Variants in PPP1R14C observed in about 807,000 individuals in gnomAD.
PPP1R14C encodes the protein protein phosphatase 1 regulatory inhibitor subunit 14C.
In PPP1R14C, 16 loss-of-function variants were observed where a neutral mutation model predicts 20.4. The ratio of observed to expected loss-of-function variants is 0.78; its 90% confidence interval spans 0.53 to 1.19. The LOEUF (loss-of-function observed/expected upper bound fraction) is 1.19. Among genes scored for constraint, PPP1R14C ranks in the 50% most tolerant of loss-of-function variants. The pLI is 0.00. For missense variants in PPP1R14C, 211 were observed against 220.1 expected (o/e 0.96, Z 0.26); for synonymous variants, 91 against 91.0 (o/e 1.00, Z 0.00).
rs549439626 is a variant in PPP1R14C, at chr6:150,217,300, A to G, written c.423+444A>G. 2.8e-4 allele frequency among the ~76,000 whole-genome samples: 42 copies of G among 151,862 alleles called. No homozygotes were observed. In the East Asian group the frequency reaches 5.8e-3, roughly 21 times the overall value. On this transcript the variant is annotated intron_variant, in intron 3 of 3. Transcript: ENST00000361131. Reference sequence around the variant, plus strand: ...AACCTCCGCCTCCTGAGTTCAACCAATTCTCCCGCCTCAGCCTCCTGAGTA... The same window carrying G: ...AACCTCCGCCTCCTGAGTTCAACCAGTTCTCCCGCCTCAGCCTCCTGAGTA...
At chr6:150,192,492 C>A (rs528973486) in intron 1 of PPP1R14C, among the ~76,000 whole-genome samples, 1 of 152,132 alleles carries the variant, frequency 6.6e-6, no homozygotes, top group Non-Finnish European at 1.5e-5. Flanking sequence ...AGGGCTCAGG[C>A]GGTAATGCTT....
rs4038164 is a variant in PPP1R14C, at chr6:150,222,765, C to CTTTTTTTTT, written c.423+5925_423+5933dup. Among the ~76,000 whole-genome samples, 219 of 71,280 alleles carry CTTTTTTTTT rather than the reference C, an allele frequency of 3.1e-3. 11 individuals carry two copies. The highest frequency in any genetic ancestry group is 5.9e-3 in the East Asian group (11 of 1,860). 46.8% of individuals were successfully genotyped at this position (71,280 alleles called of 152,430 possible). A position where few individuals can be genotyped will look rare whatever the true frequency, so the allele number is the denominator to read the frequency against. On this transcript the variant is annotated intron_variant, in intron 3 of 3. Coordinates refer to ENST00000361131, the MANE Select transcript of PPP1R14C (RefSeq NM_030949.3). ...AACATTTGAAGCCTTTTCAAACTGG[C>CTTTTTTTTT]TTTTTTTTTTTTTTTTTTTTTTTTG...
At chr6:150,203,239 T>G (rs1310129979) in intron 1 of PPP1R14C, among the ~76,000 whole-genome samples, 1 of 152,234 alleles carries the variant, frequency 6.6e-6, no homozygotes. Flanking sequence ...CATTGGCCCC[T>G]GGCAATCCCT....
At chr6:150,204,062 A>G (rs7773289) in intron 1 of PPP1R14C, among the ~76,000 whole-genome samples, 134,644 of 152,282 alleles carry the variant, frequency 0.88, 59,554 homozygotes, top group African/African-American at 0.9. Context: ...TGCTGCACGG[A>G]GAAAGAAGGG....
rs200448500 is a variant in PPP1R14C, at chr6:150,143,340, G to A, written c.148G>A (p.Val50Met). The A allele has an allele frequency of 1.7e-4, 272 of 1,603,894 alleles. No individual in the cohort carries two copies. The highest frequency in any genetic ancestry group is 2.2e-4 in the Non-Finnish European group (259 of 1,176,534). ...CTCCTCCCGGGAGGACTCGGCGCCC[G>A]TGGCCACGGCGGCCGCTGCAGGGCA... ...SGSSREDSAP[V>M]ATAAAAGQVQ... is the part of the protein sequence containing the mutation. Residue 50 changes from valine to methionine, a missense_variant, in exon 1 of 4, where the codon GTG (valine) becomes ATG (methionine). Coordinates refer to ENST00000361131, the MANE Select transcript of PPP1R14C (RefSeq NM_030949.3). This position sits in a 1 kb window ranked among gnomAD's most constrained non-coding sequence, Gnocchi z 5.6.
intron 1 of PPP1R14C, among the ~76,000 whole-genome samples, chr6:150,161,859 C>G (rs1217805989): frequency 6.6e-6 from 1 of 152,112 alleles, no homozygotes. Context: ...CCTGGGATCC[C>G]CCAATCTCCT....
At chr6:150,190,330 C>T (rs112258738) in intron 1 of PPP1R14C, among the ~76,000 whole-genome samples, 2 of 152,068 alleles carry the variant, frequency 1.3e-5, no homozygotes, top group African/African-American at 4.8e-5. Context: ...CACTTTTCTC[C>T]ACGGCACTTC....
At chr6:150,242,466 A>C (rs141663471) in intron 3 of PPP1R14C, among the ~76,000 whole-genome samples, 2 of 152,078 alleles carry the variant, frequency 1.3e-5, no homozygotes. Flanking sequence ...AGGGGGAAAA[A>C]CCCCTCTAAT....
At chr6:150,158,129 G>C (rs9384192) in intron 1 of PPP1R14C, among the ~76,000 whole-genome samples, 108,657 of 151,988 alleles carry the variant, frequency 0.71, 39,302 homozygotes, top group East Asian at 0.9. Flanking sequence ...AATCCTTTCA[G>C]AGAAATTTTG....
At chr6:150,212,073 C>T (rs1031011428) in intron 1 of PPP1R14C, among the ~76,000 whole-genome samples, 5 of 152,128 alleles carry the variant, frequency 3.3e-5, no homozygotes, top group African/African-American at 1.2e-4. Flanking sequence ...TTTTTCTTTA[C>T]TCCTGTCAAG....
chr6:150,202,491 G>T (rs755802984), intron 1 of PPP1R14C, among the ~76,000 whole-genome samples: 1 of 152,274 alleles, frequency 6.6e-6, no homozygotes, highest in Admixed American at 6.5e-5. Context: ...GGGCAGGCCC[G>T]TGTCTTGTCA....
intron 1 of PPP1R14C, among the ~76,000 whole-genome samples, chr6:150,160,552 C>T (rs1488158995): frequency 2.0e-5 from 3 of 151,838 alleles, no homozygotes; most frequent in Non-Finnish European, 4.4e-5. Flanking sequence ...GGATTACAGA[C>T]GTGAGCCACC....
chr6:150,143,087 C>T lies in PPP1R14C; in HGVS notation c.-106C>T, dbSNP rs987734764. 7 of 1,120,794 alleles carry T rather than the reference C, an allele frequency of 6.2e-6. No homozygotes were observed. Among genetic ancestry groups the T allele is most frequent in the Non-Finnish European group, 6.5e-6 (6 of 921,922 alleles). 69.4% of individuals were successfully genotyped at this position (1,120,794 alleles called of 1,614,324 possible). On this transcript the variant is annotated 5_prime_UTR_variant, in exon 1 of 4. Coordinates refer to ENST00000361131, the MANE Select transcript of PPP1R14C (RefSeq NM_030949.3). The surrounding 1 kb of genome is among the most constrained non-coding windows in gnomAD (Gnocchi z 5.6). ...GGCGCGCGCGGCGCAGAGCAGGTGCCGGGGAGCCCTTCGCATGCGGCTGCC... is the reference window on the plus strand; with the variant it reads ...GGCGCGCGCGGCGCAGAGCAGGTGCTGGGGAGCCCTTCGCATGCGGCTGCC...
At chr6:150,211,849 T>A (rs985113692) in intron 1 of PPP1R14C, among the ~76,000 whole-genome samples, 1 of 152,180 alleles carries the variant, frequency 6.6e-6, no homozygotes, top group African/African-American at 2.4e-5. Flanking sequence ...ATGCCTCTGA[T>A]AAATCAGGGT....
intron 3 of PPP1R14C, among the ~76,000 whole-genome samples, chr6:150,229,829 C>A (rs1562275299): frequency 6.6e-6 from 1 of 152,086 alleles, no homozygotes; most frequent in Non-Finnish European, 1.5e-5. Flanking sequence ...AGTTCTGGTG[C>A]GCCATGCCAG....
At chr6:150,170,699 A>C (rs115518626) in intron 1 of PPP1R14C, among the ~76,000 whole-genome samples, 61 of 152,112 alleles carry the variant, frequency 4.0e-4, no homozygotes, top group African/African-American at 1.4e-3. Context: ...TGTGGGTTTT[A>C]CATTCTAGGG....
chr6:150,202,636 C>G (rs1247190659), intron 1 of PPP1R14C, among the ~76,000 whole-genome samples: 2 of 152,224 alleles, frequency 1.3e-5, no homozygotes, highest in Non-Finnish European at 2.9e-5. Flanking sequence ...ATGGTGCCCT[C>G]CCACACAGCC....
At chr6:150,212,445 C>T (rs1562271020) in intron 1 of PPP1R14C, among the ~76,000 whole-genome samples, 2 of 152,104 alleles carry the variant, frequency 1.3e-5, no homozygotes, top group Non-Finnish European at 2.9e-5. Context: ...CTGTGTAGGG[C>T]GAGGCTCTAC....
chr6:150,149,805 G>A (rs1777224543), intron 1 of PPP1R14C, among the ~76,000 whole-genome samples: 1 of 152,188 alleles, frequency 6.6e-6, no homozygotes, highest in Non-Finnish European at 1.5e-5. Flanking sequence ...TCTATTTGGT[G>A]CAATAATTTG....
Sources: allele counts gnomAD v4.1 joint callset (sites outside exome capture counted in the v4.1 genomes callset), GRCh38; gene constraint gnomAD v4.1.1; non-coding constraint Gnocchi (gnomAD v3.1); transcripts MANE v1.5; gene names NCBI Gene and HGNC (gene_info 2026-07-23, HGNC 2026-07-21).